SPON1: variants seen among roughly 807,000 people sequenced by gnomAD.
SPON1 encodes the protein spondin-1.
SPON1 carries 52 observed loss-of-function variants against 111.7 expected under a neutral mutation model. The ratio of observed to expected loss-of-function variants is 0.47; its 90% CI spans 0.37 to 0.59. The LOEUF (loss-of-function observed/expected upper bound fraction) is 0.59. Among genes scored for constraint, SPON1 ranks in the 20% least tolerant of loss-of-function variants. SPON1 has a pLI of 0.00. For missense variants in SPON1, 957 were observed against 1,068.5 expected, an observed-to-expected ratio of 0.90 and a Z score of 1.46; for synonymous variants, 410 against 395.8, an observed-to-expected ratio of 1.04 and a Z score of -0.43.
chr11:14,211,290 T>A (rs1393429928), intron 6 of SPON1, among the ~76,000 whole-genome samples: 1 of 152,172 alleles, frequency 6.6e-6, no homozygotes, highest in Non-Finnish European at 1.5e-5. Flanking sequence ...AGTCTCAGGA[T>A]ACAAAATCAG....
chr11:14,007,268 A>G (rs1180992541), intron 2 of SPON1, among the ~76,000 whole-genome samples: 7 of 152,190 alleles, frequency 4.6e-5, no homozygotes, highest in African/African-American at 1.7e-4. Context: ...CAGAACTGAT[A>G]GGAGATATAT....
chr11:14,176,435 C>A (rs73426113), intron 6 of SPON1, among the ~76,000 whole-genome samples: 7,073 of 152,216 alleles, frequency 0.046, 518 homozygotes, highest in African/African-American at 0.16. Context: ...AGGAGCCGAA[C>A]AGACACCCTG....
intron 1 of SPON1, among the ~76,000 whole-genome samples, chr11:13,975,832 T>C (rs2133777184): frequency 6.6e-6 from 1 of 152,328 alleles, no homozygotes; most frequent in African/African-American, 2.4e-5. Flanking sequence ...GACCAGCTCT[T>C]TGAAACACAT....
At chr11:14,246,595 C>T (rs1352062361) in intron 7 of SPON1, among the ~76,000 whole-genome samples, 1 of 152,150 alleles carries the variant, frequency 6.6e-6, no homozygotes, top group African/African-American at 2.4e-5. Context: ...TGGTCTCACA[C>T]CTACCCCAAA....
At chr11:14,254,237 C>T (rs1554940927) in intron 7 of SPON1, among the ~76,000 whole-genome samples, 1 of 152,194 alleles carries the variant, frequency 6.6e-6, no homozygotes, top group Non-Finnish European at 1.5e-5. Context: ...GCCATGATCA[C>T]ACCACTGCAC....
rs1369289225 is a variant in SPON1, at chr11:14,146,066, G to T, written c.825+10498G>T. Among the ~76,000 whole-genome samples the T allele has an allele frequency of 3.9e-5, 6 of 152,086 alleles. No individual in the cohort carries two copies. The East Asian group carries it at 9.6e-4, about 24-fold the overall frequency. ...TGCCTCTAGAGCACACAGAGAGTAAGGGGCAGAACTGAAAGGTTCATTCAC... is the reference window on the plus strand; with the variant it reads ...TGCCTCTAGAGCACACAGAGAGTAATGGGCAGAACTGAAAGGTTCATTCAC... On this transcript the variant is annotated intron_variant, in intron 6 of 15. Transcript: ENST00000576479.
chr11:14,249,534 T>C (rs909958136), intron 7 of SPON1, among the ~76,000 whole-genome samples: 25 of 152,176 alleles, frequency 1.6e-4, no homozygotes, highest in African/African-American at 4.1e-4. Flanking sequence ...GGGCGCCCTC[T>C]CGTGGCCAAA....
intron 3 of SPON1, among the ~76,000 whole-genome samples, chr11:14,067,356 G>T (rs1554920464): frequency 6.6e-6 from 1 of 152,156 alleles, no homozygotes; most frequent in African/African-American, 2.4e-5. Flanking sequence ...TCATTACAAA[G>T]GTTGGCTGAT....
intron 5 of SPON1, among the ~76,000 whole-genome samples, chr11:14,120,568 C>T (rs1849297531): frequency 6.6e-6 from 1 of 152,104 alleles, no homozygotes; most frequent in Non-Finnish European, 1.5e-5. Flanking sequence ...ACCACTTGCC[C>T]ACCCTCCCAA....
chr11:14,176,168 G>A (rs951883735), intron 6 of SPON1, among the ~76,000 whole-genome samples: 3 of 151,956 alleles, frequency 2.0e-5, no homozygotes, highest in African/African-American at 7.3e-5. Context: ...GAATAAGGAG[G>A]GTTCTCTGAG....
In SPON1 at chr11:14,259,458, G is replaced by A. The variant is rs781799770; in HGVS notation, c.1663+8G>A. On this transcript the variant is annotated splice_region_variant and intron_variant, in intron 12 of 15. Transcript: ENST00000576479. This position sits in a 1 kb window ranked among gnomAD's most constrained non-coding sequence, Gnocchi z 5.0. ...CGGTCAACGAGGAGTGCTGTGAGTG[G>A]GGGCCCCGGGCGGGCAGGCGGGCAA... is the stretch of plus-strand genomic sequence containing the variant. The A allele has an allele frequency of 1.2e-6, 2 of 1,603,834 alleles. No homozygotes were observed. Among genetic ancestry groups the A allele is most frequent in the South Asian group, 1.1e-5 (1 of 89,160 alleles).
chr11:14,075,050 A>T (rs1554921279), intron 3 of SPON1, among the ~76,000 whole-genome samples: 1 of 152,194 alleles, frequency 6.6e-6, no homozygotes, highest in Non-Finnish European at 1.5e-5. Flanking sequence ...AAATACTGTT[A>T]GTTCACTTTC....
chr11:13,975,878 T>C (rs1215104401), intron 1 of SPON1, among the ~76,000 whole-genome samples: 1 of 152,090 alleles, frequency 6.6e-6, no homozygotes, highest in East Asian at 1.9e-4. Context: ...TTATGATCTT[T>C]TATCATAATC....
intron 1 of SPON1, among the ~76,000 whole-genome samples, chr11:13,964,014 G>C (rs560135547): frequency 1.3e-5 from 2 of 152,240 alleles, no homozygotes; most frequent in South Asian, 4.2e-4. Context: ...GGTTTCGGGA[G>C]CTCAGGGAGG....
At chr11:14,074,163 G>A (rs782265157) in intron 3 of SPON1, among the ~76,000 whole-genome samples, 10 of 152,212 alleles carry the variant, frequency 6.6e-5, no homozygotes, top group Non-Finnish European at 7.3e-5. Context: ...GTAGCTTTGC[G>A]TAGACAGGAA....
intron 6 of SPON1, among the ~76,000 whole-genome samples, chr11:14,170,756 TG>T (rs1223133247): frequency 1.3e-5 from 2 of 152,230 alleles, no homozygotes; most frequent in African/African-American, 4.8e-5. Flanking sequence ...GATAATCATG[TG>T]GCTTTTGTCT....
chr11:14,254,660 C>T lies in SPON1; in HGVS notation c.1023C>T (p.Gly341=), dbSNP rs781989681. The change falls in exon 8 of 16, where the codon GGC becomes GGT. Residue 341 remains glycine, a synonymous_variant. Coordinates refer to ENST00000576479, the MANE Select transcript of SPON1 (RefSeq NM_006108.4). The part of the protein sequence containing the change: ...SAEDLCTKEC[G]WVQKVVQDLI... ...AAGATCTGTGCACCAAGGAATGTGGCTGGGTCCAGAAGGTGGTGCAAGACC... is the reference window on the plus strand; with the variant it reads ...AAGATCTGTGCACCAAGGAATGTGGTTGGGTCCAGAAGGTGGTGCAAGACC... The T allele has an allele frequency of 6.2e-7, 1 of 1,614,036 alleles. No homozygotes were observed. Among genetic ancestry groups the T allele is most frequent in the South Asian group, 1.1e-5 (1 of 91,086 alleles).
At chr11:14,251,123 G>A (rs1405298143) in intron 7 of SPON1, among the ~76,000 whole-genome samples, 2 of 152,164 alleles carry the variant, frequency 1.3e-5, no homozygotes, top group Non-Finnish European at 1.5e-5. Context: ...TTGGGGAGAG[G>A]TCAGGAAATA....
intron 1 of SPON1, among the ~76,000 whole-genome samples, chr11:13,982,481 A>G (rs970119136): frequency 2.0e-5 from 3 of 152,198 alleles, no homozygotes; most frequent in Admixed American, 6.5e-5. Context: ...GCTGTGAAGG[A>G]CTAGTTTTCT....
Sources: allele counts gnomAD v4.1 joint callset (sites outside exome capture counted in the v4.1 genomes callset), GRCh38; gene constraint gnomAD v4.1.1; non-coding constraint Gnocchi (gnomAD v3.1); transcripts MANE v1.5; gene names NCBI Gene and HGNC (gene_info 2026-07-23, HGNC 2026-07-21).